Variants in DERPC observed in about 807,000 individuals in gnomAD.
The protein encoded by DERPC is decreased expression in renal and prostate cancer protein.
DERPC carries 1 observed loss-of-function variant against 7.2 expected under a neutral mutation model. That is an observed-to-expected ratio of 0.14 (90% confidence interval 0.05 to 0.66). The LOEUF is 0.66. DERPC is among the 30% of genes least tolerant of loss of function. The pLI, the probability that DERPC is intolerant of heterozygous loss-of-function variation, is 0.84. For synonymous variants in DERPC, 185 were observed against 117.6 expected, an observed-to-expected ratio of 1.57 and a Z score of -3.71; for missense variants, 502 against 299.4, an observed-to-expected ratio of 1.68 and a Z score of -4.99.
chr16:69,126,000 T>G (rs1166694805), intron 1 of DERPC, among the ~76,000 whole-genome samples: 3 of 152,200 alleles, frequency 2.0e-5, no homozygotes, highest in Non-Finnish European at 4.4e-5. Flanking sequence ...TGACCCATAA[T>G]TTTGACAATT....
intron 1 of DERPC, among the ~76,000 whole-genome samples, chr16:69,129,201 C>T (rs542840731): frequency 9.2e-5 from 14 of 152,056 alleles, no homozygotes; most frequent in East Asian, 5.8e-4. Context: ...GAGGCCGAGG[C>T]GGGCAGATCA....
At chr16:69,121,071 G>A (rs1381748443) in intron 2 of DERPC, 21 of 1,613,914 alleles carry the variant, frequency 1.3e-5, no homozygotes, top group Non-Finnish European at 1.8e-5. Flanking sequence ...TGTAATGTAG[G>A]TCTCCCAGGA....
intron 1 of DERPC, among the ~76,000 whole-genome samples, chr16:69,131,015 T>C (rs1962465178): frequency 6.6e-6 from 1 of 152,146 alleles, no homozygotes; most frequent in African/African-American, 2.4e-5. Flanking sequence ...ACAGATTATT[T>C]TTATTTGTAG....
chr16:69,124,352 T>C (rs1961905411), intron 1 of DERPC, among the ~76,000 whole-genome samples: 1 of 152,174 alleles, frequency 6.6e-6, no homozygotes, highest in African/African-American at 2.4e-5. Context: ...TTACCACCTG[T>C]AGTATGGAAA....
chr16:69,124,981 C>T (rs895923095), intron 1 of DERPC, among the ~76,000 whole-genome samples: 1 of 151,988 alleles, frequency 6.6e-6, no homozygotes, highest in Admixed American at 6.6e-5. Flanking sequence ...CTCGGCTCAC[C>T]GCAACCTCCA....
intron 1 of DERPC, among the ~76,000 whole-genome samples, chr16:69,123,925 T>TA (rs757493986): frequency 0.31 from 23,602 of 76,624 alleles, 2,744 homozygotes; most frequent in Non-Finnish European, 0.36. Flanking sequence ...CCATCTCTAC[T>TA]AAAAAAAAAA....
chr16:69,121,870 CA>C lies in DERPC; in HGVS notation c.-279-378del, dbSNP rs536105492. On this transcript the variant is annotated intron_variant, in intron 1 of 2. Coordinates refer to ENST00000519520, the MANE Select transcript of DERPC (RefSeq NM_001002847.4). ...ATTTTTAGTAGAGATGGGGTTTCAC[CA>C]TGTTAGCCAGGATGGTCTCGATCTC... Among the ~76,000 whole-genome samples the C allele has an allele frequency of 1.1e-4, 17 of 152,260 alleles. No individual in the cohort carries two copies. The South Asian group carries it at 2.5e-3, about 22-fold the overall frequency.
intron 1 of DERPC, among the ~76,000 whole-genome samples, chr16:69,124,657 G>C (rs1009000206): frequency 2.0e-5 from 3 of 151,992 alleles, no homozygotes; most frequent in African/African-American, 4.8e-5. Context: ...TTACAGGAGT[G>C]AGCCACCACC....
At position 69,120,481 on chromosome 16, in the gene DERPC, T is replaced by A; in HGVS notation, c.-53A>T. ...GGCTTGGGGCGGGTTTTGAAAAGGA[T>A]CTTGTCTTTGATGAGTGCTGTCACC... On this transcript the variant is annotated 5_prime_UTR_variant, in exon 3 of 3. Transcript: ENST00000519520. The surrounding 1 kb of genome is among the most constrained non-coding windows in gnomAD (Gnocchi z 4.0). 6.2e-7 allele frequency: 1 copy of A among 1,614,082 alleles called. No individual in the cohort carries two copies. Among genetic ancestry groups the A allele is most frequent in the Non-Finnish European group, 8.5e-7 (1 of 1,180,018 alleles).
chr16:69,127,846 G>A (rs1052527200), intron 1 of DERPC, among the ~76,000 whole-genome samples: 1 of 152,026 alleles, frequency 6.6e-6, no homozygotes, highest in African/African-American at 2.4e-5. Context: ...CTGACCTCAA[G>A]TGATCTGCCC....
At chr16:69,124,891 A>G (rs192406386) in intron 1 of DERPC, among the ~76,000 whole-genome samples, 2 of 152,024 alleles carry the variant, frequency 1.3e-5, no homozygotes, top group Admixed American at 1.3e-4. Flanking sequence ...CTTTGGGAAC[A>G]TGAAATTGGT....
chr16:69,131,209 T>C (rs1412063177), intron 1 of DERPC: 1 of 152,130 alleles, frequency 6.6e-6, no homozygotes, highest in African/African-American at 2.4e-5. Context: ...ATTAGTGAAG[T>C]GTGTTCAAAA....
chr16:69,128,099 G>A (rs528473554), intron 1 of DERPC, among the ~76,000 whole-genome samples: 1 of 152,054 alleles, frequency 6.6e-6, no homozygotes, highest in East Asian at 1.9e-4. Flanking sequence ...ATTTTTAGTA[G>A]AGATGGGGTT....
chr16:69,118,806 G>C lies in DERPC; in HGVS notation c.*48C>G. ...TTTTACCTAAGACAGCCCCTGCCAA[G>C]AACCACAGTGCCTAGAAACCAAGGT... On this transcript the variant is annotated 3_prime_UTR_variant, in exon 3 of 3. Coordinates refer to ENST00000519520, the MANE Select transcript of DERPC (RefSeq NM_001002847.4). The C allele has an allele frequency of 4.5e-6, 3 of 665,702 alleles. No individual in the cohort carries two copies. The highest frequency in any genetic ancestry group is 5.4e-6 in the Non-Finnish European group (2 of 367,236). The allele number at this position is 665,702 out of a possible 1,614,324, so 41.2% of individuals were successfully genotyped here. A position where few individuals can be genotyped will look rare whatever the true frequency, so the allele number is the denominator to read the frequency against.
In DERPC at chr16:69,132,528, G is replaced by T; in HGVS notation, c.-324C>A. On this transcript the variant is annotated 5_prime_UTR_variant, in exon 1 of 3. Coordinates refer to ENST00000519520, the MANE Select transcript of DERPC (RefSeq NM_001002847.4). ...GCGCGGCGCCGCGCGGCCAACGGGC[G>T]ACAACCGAACCTCCCGCCGCCGTCG... 1 of 335,782 alleles carries T rather than the reference G, an allele frequency of 3.0e-6. No homozygotes were observed. The highest frequency in any genetic ancestry group is 2.1e-5 in the South Asian group (1 of 48,528). The allele number at this position is 335,782 out of a possible 1,614,324, so 20.8% of individuals were successfully genotyped here.
chr16:69,119,406 T>C lies in DERPC; in HGVS notation c.1023A>G (p.Ile341Met), dbSNP rs1283930912. The C allele has an allele frequency of 4.3e-6, 3 of 702,744 alleles. No individual in the cohort carries two copies. The Admixed American group carries it at 6.0e-5, about 14-fold the overall frequency. The allele number at this position is 702,744 out of a possible 1,614,324, so 43.5% of individuals were successfully genotyped here. ...PSPMSRAPGPIGPNSAHFSRP... is the reference protein window; with the variant it reads ...PSPMSRAPGPMGPNSAHFSRP... The stretch of plus-strand genomic sequence containing the variant: ...TTGAGAAATGAGCTGAATTAGGGCC[T>C]ATGGGGCCAGGAGCCCTTGACATGG... The change falls in exon 3 of 3, where the codon ATA becomes ATG. Residue 341 changes from isoleucine (I) to methionine (M), a missense_variant. Coordinates refer to ENST00000519520, the MANE Select transcript of DERPC (RefSeq NM_001002847.4).
rs770376262 is a variant in DERPC at position 69,119,375 on chromosome 16, C to A, written c.1054G>T (p.Val352Phe). 4.3e-6 allele frequency: 3 copies of A among 703,004 alleles called. No individual in the cohort carries two copies. The highest frequency in any genetic ancestry group is 7.8e-6 in the Non-Finnish European group (3 of 384,970). The allele number at this position is 703,004 out of a possible 1,614,324, so 43.5% of individuals were successfully genotyped here. The change falls in exon 3 of 3, where the codon GTT becomes TTT. Residue 352 changes from valine (V) to phenylalanine (F), a missense_variant. Coordinates refer to ENST00000519520, the MANE Select transcript of DERPC (RefSeq NM_001002847.4). ...GPNSAHFSRP[V>F]GPMGVNANPF... ...TTGGCATTTACCCCCATGGGGCCAA[C>A]TGGCCTTGAGAAATGAGCTGAATTA...
intron 2 of DERPC, chr16:69,121,004 G>A (rs1961610695): frequency 8.0e-6 from 12 of 1,508,334 alleles, no homozygotes; most frequent in South Asian, 1.1e-5. Context: ...CCACCTTGGT[G>A]TAGCTTGCTT....
chr16:69,118,905 T>C lies in DERPC; in HGVS notation c.1524A>G (p.Arg508=). 1.4e-6 allele frequency: 1 copy of C among 703,116 alleles called. No individual in the cohort carries two copies. Among genetic ancestry groups the C allele is most frequent in the Non-Finnish European group, 2.6e-6 (1 of 385,032 alleles). The allele number at this position is 703,116 out of a possible 1,614,324, so 43.6% of individuals were successfully genotyped here. A position where few individuals can be genotyped will look rare whatever the true frequency, so the allele number is the denominator to read the frequency against. Residue 508 remains arginine, a synonymous_variant, in exon 3 of 3, where the codon AGA becomes AGG. Coordinates refer to ENST00000519520, the MANE Select transcript of DERPC (RefSeq NM_001002847.4). ...LPGTNPAAFP[R]PGGPMAAMYP... ...ACATTGCAGCCATTGGACCCCCTGG[T>C]CTGGGGAAAGCAGCTGGGTTTGTGC...
Sources: gnomAD v4.1 joint callset for allele counts (sites outside exome capture counted in the v4.1 genomes callset) on GRCh38, gnomAD v4.1.1 for gene constraint, Gnocchi (gnomAD v3.1) non-coding constraint, MANE v1.5 for transcripts, NCBI Gene and HGNC (gene_info 2026-07-23, HGNC 2026-07-21) for gene names.